The following SHROOM4 variants were observed in gnomAD, a reference collection of about 807,000 sequenced individuals.
SHROOM4 encodes shroom family member 4.
A neutral mutation model predicts 80.3 loss-of-function variants in SHROOM4; 17 were observed. The ratio of observed to expected loss-of-function variants is 0.21; its 90% CI spans 0.14 to 0.32. SHROOM4 has a LOEUF of 0.32. Among genes scored for constraint, SHROOM4 ranks in the 10% least tolerant of loss-of-function variants. SHROOM4 has a pLI of 1.00. For missense variants in SHROOM4, 993 were observed against 1,140.3 expected, an observed-to-expected ratio of 0.87 and a Z score of 1.86; for synonymous variants, 400 against 437.5, an observed-to-expected ratio of 0.91 and a Z score of 1.07.
At chrX:50,640,159 A>G (rs1478269684) in intron 2 of SHROOM4, among the ~76,000 whole-genome samples, 4 of 111,821 alleles carry the variant, frequency 3.6e-5, no homozygotes, top group Non-Finnish European at 7.5e-5. Context: ...CAGTAGTAGT[A>G]CTATGTACCA....
intron 6 of SHROOM4, 23 bp downstream of exon 6, chrX:50,607,358 T>A: frequency 8.3e-7 from 1 of 1,208,665 alleles, no homozygotes; most frequent in Non-Finnish European, 1.1e-6. Flanking sequence ...TTCAGAGACC[T>A]AGTATCTTTC....
In SHROOM4 at chrX:50,728,500, G is replaced by T. The variant is rs1012374086; in HGVS notation, c.118-32563C>A. On this transcript the variant is annotated intron_variant, in intron 1 of 8. Coordinates refer to ENST00000376020, the MANE Select transcript of SHROOM4 (RefSeq NM_020717.5). The stretch of plus-strand genomic sequence containing the variant: ...TCAGAGTTAGAAGGAAGGCAGACTT[G>T]AAAGTATTCTCCAAGCCACACACAG... Among the ~76,000 whole-genome samples, 9 of 112,623 alleles carry T rather than the reference G, an allele frequency of 8.0e-5. No homozygotes were observed. The Admixed American group carries it at 8.4e-4, about 11-fold the overall frequency.
rs1929113434 is a variant in SHROOM4 at position 50,596,388 on chromosome X, A to G, written c.*307T>C. 1 of 444,518 alleles carries G rather than the reference A, an allele frequency of 2.2e-6. No homozygotes were observed. 36.6% of individuals were successfully genotyped at this position (444,518 alleles called of 1,213,427 possible). A position where few individuals can be genotyped will look rare whatever the true frequency, so the allele number is the denominator to read the frequency against. ...TGATGTCTTTGGTGTCCTAGTACAA[A>G]GCAGAATGAAGGCACTTCCTTGGTT... On this transcript the variant is annotated 3_prime_UTR_variant, in exon 9 of 9. Transcript: ENST00000376020.
chrX:50,584,426 C>G (rs1469184928), downstream of SHROOM4, among the ~76,000 whole-genome samples: 1 of 111,445 alleles, frequency 9.0e-6, no homozygotes, highest in Non-Finnish European at 1.9e-5. Flanking sequence ...GCCTCACAGG[C>G]AATGGAAAGG....
At chrX:50,770,205 G>A (rs1275436714) in intron 1 of SHROOM4, among the ~76,000 whole-genome samples, 1 of 111,456 alleles carries the variant, frequency 9.0e-6, no homozygotes, top group East Asian at 2.8e-4. Context: ...GGTACACTCA[G>A]AGGAGATACA....
At chrX:50,717,950 A>G (rs1173334607) in intron 1 of SHROOM4, among the ~76,000 whole-genome samples, 1 of 112,092 alleles carries the variant, frequency 8.9e-6, no homozygotes, top group Non-Finnish European at 1.9e-5. Context: ...GGAAATGTGA[A>G]TAACATTCAT....
Position 50,607,713 on chromosome X carries a change from C to T in SHROOM4, c.3429G>A (p.Glu1143=), listed in dbSNP as rs6614551. Residue 1143 remains glutamate, a synonymous_variant, in exon 6 of 9, where the codon GAG becomes GAA. Transcript: ENST00000376020. ...CCTCCTCCTCCTCCTCTTCCTCTTC[C>T]TCTTCTTCTTCTTCTTCCTCCTCCT... ...EEEEEEEEEE[E]EEEEEEEEAE... is the part of the protein sequence containing the mutation. 2.7e-5 allele frequency: 32 copies of T among 1,167,348 alleles called. No homozygotes were observed. Among genetic ancestry groups the T allele is most frequent in the Non-Finnish European group, 1.7e-5 (15 of 868,151 alleles).
At chrX:50,758,669 GTTTTC>G (rs1935088538) in intron 1 of SHROOM4, among the ~76,000 whole-genome samples, 1 of 111,840 alleles carries the variant, frequency 8.9e-6, no homozygotes. Flanking sequence ...CTGGTCTATA[GTTTTC>G]TTTTCTTGTA....
intron 1 of SHROOM4, among the ~76,000 whole-genome samples, chrX:50,723,393 GGAGAGA>G (rs782457909): frequency 3.7e-5 from 2 of 54,481 alleles, no homozygotes; most frequent in Admixed American, 5.8e-4. Context: ...AGCAAGGGAG[GGAGAGA>G]GAGAGAGAGA....
At chrX:50,583,335 G>A (rs1928697748), downstream of SHROOM4, among the ~76,000 whole-genome samples, 2 of 110,532 alleles carry the variant, frequency 1.8e-5, no homozygotes, top group Non-Finnish European at 3.8e-5. Flanking sequence ...ACTTGCTTTA[G>A]TCAATAGAAT....
At chrX:50,698,543 A>G in intron 1 of SHROOM4, among the ~76,000 whole-genome samples, 1 of 111,259 alleles carries the variant, frequency 9.0e-6, no homozygotes, top group East Asian at 2.8e-4. Context: ...TATATCCCAG[A>G]CTAGCCCTTT....
intron 1 of SHROOM4, among the ~76,000 whole-genome samples, chrX:50,703,388 C>T (rs1183136437): frequency 1.3e-4 from 14 of 111,482 alleles, no homozygotes; most frequent in African/African-American, 2.6e-4. Context: ...TTCTTTCTTA[C>T]GGTCCCCAGA....
At chrX:50,758,930 A>G (rs1238309676) in intron 1 of SHROOM4, among the ~76,000 whole-genome samples, 1 of 111,742 alleles carries the variant, frequency 8.9e-6, no homozygotes, top group Non-Finnish European at 1.9e-5. Flanking sequence ...TAAGTTATCT[A>G]ATTTGTTTGC....
intron 7 of SHROOM4, among the ~76,000 whole-genome samples, chrX:50,601,501 AT>A (rs1557247642): frequency 8.9e-6 from 1 of 112,350 alleles, no homozygotes; most frequent in African/African-American, 3.2e-5. Context: ...TGAAAGAAAT[AT>A]GGGCAGAACA....
intron 2 of SHROOM4, among the ~76,000 whole-genome samples, chrX:50,676,298 T>G (rs185671066): frequency 0.021 from 2,260 of 108,475 alleles, 59 homozygotes; most frequent in African/African-American, 0.071. Flanking sequence ...GAAAAGTAGT[T>G]TTTTTTTTTT....
At chrX:50,736,382 C>T (rs1286913964) in intron 1 of SHROOM4, among the ~76,000 whole-genome samples, 3 of 111,057 alleles carry the variant, frequency 2.7e-5, no homozygotes, top group Non-Finnish European at 5.7e-5. Flanking sequence ...CGTGCATTAG[C>T]TGTTTTTCCT....
rs1217940364 is a variant in SHROOM4 at position 50,662,520 on chromosome X, G to T, written c.270-24212C>A. Among the ~76,000 whole-genome samples, 4 of 110,677 alleles carry T rather than the reference G, an allele frequency of 3.6e-5. No individual in the cohort carries two copies. In the Admixed American group the frequency reaches 3.9e-4, roughly 11 times the overall value. On this transcript the variant is annotated intron_variant, in intron 2 of 8. Coordinates refer to ENST00000376020, the MANE Select transcript of SHROOM4 (RefSeq NM_020717.5). ...CATCTCAAAAAAAAAAAAGTGTTAT[G>T]ATAATAAAAGAAAACAAATTTCTAG...
chrX:50,694,083 A>G (rs1933297697), intron 2 of SHROOM4, among the ~76,000 whole-genome samples: 1 of 111,653 alleles, frequency 9.0e-6, no homozygotes, highest in Admixed American at 9.5e-5. Context: ...CATTGTATAT[A>G]TATTCCCCAT....
Position 50,744,469 on chromosome X carries a change from ATTCT to A in SHROOM4, c.118-48536_118-48533del, listed in dbSNP as rs369205480. On this transcript the variant is annotated intron_variant, in intron 1 of 8. Transcript: ENST00000376020. ...AAATAAGTTCTATCACTTCATTGAT[ATTCT>A]TTATTTGATGAGTTGTTATCATCAC... Among the ~76,000 whole-genome samples the A allele has an allele frequency of 1.2e-3, 139 of 111,900 alleles. 4 individuals carry two copies. In the South Asian group the frequency reaches 0.049, roughly 40 times the overall value.
Sources: gnomAD v4.1 joint callset for allele counts (sites outside exome capture counted in the v4.1 genomes callset) on GRCh38, gnomAD v4.1.1 for gene constraint, MANE v1.5 for transcripts, NCBI Gene and HGNC (gene_info 2026-07-23, HGNC 2026-07-21) for gene names.